CDKL4: variants seen among roughly 807,000 people sequenced by gnomAD.
CDKL4 encodes the protein cyclin dependent kinase like 4.
Under a neutral mutation model 42.0 loss-of-function variants are expected in CDKL4, and 44 were observed. The observed-to-expected ratio is 1.05, with a 90% CI of 0.82 to 1.35. CDKL4 has a LOEUF of 1.35. CDKL4 is among the 40% of genes most tolerant of loss of function. The probability of loss-of-function intolerance (pLI) is 0.00; values close to 1 mark genes in which losing one functional copy is unlikely to be tolerated. For missense variants in CDKL4, 393 were observed against 369.9 expected (o/e 1.06, Z -0.51); for synonymous variants, 120 against 121.6 (o/e 0.99, Z 0.09).
In CDKL4 at chr2:39,195,641, ATTTTTTTTT is replaced by A. The variant is rs770948985; in HGVS notation, c.455-5148_455-5140del. On this transcript the variant is annotated intron_variant, in intron 5 of 9. Coordinates refer to ENST00000451199, the Ensembl canonical transcript of CDKL4. ...TTTTTATTTTTTACATTTTTAATTA[ATTTTTTTTT>A]TTTTTTTTTTGAGACAGGGTCTCAC... Among the ~76,000 whole-genome samples, 4 of 131,436 alleles carry A rather than the reference ATTTTTTTTT, an allele frequency of 3.0e-5. No individual in the cohort carries two copies. The East Asian group carries it at 8.7e-4, about 29-fold the overall frequency. 86.2% of individuals were successfully genotyped at this position (131,436 alleles called of 152,430 possible).
chr2:39,214,152 A>T (rs1572996377), intron 3 of CDKL4, among the ~76,000 whole-genome samples: 1 of 152,024 alleles, frequency 6.6e-6, no homozygotes. Context: ...TGAACTCTCG[A>T]CCTCAGATGA....
intron 8 of CDKL4, among the ~76,000 whole-genome samples, chr2:39,179,838 C>A (rs566264654): frequency 6.6e-6 from 1 of 152,186 alleles, no homozygotes; most frequent in Admixed American, 6.5e-5. Flanking sequence ...GAAGTGAGAA[C>A]CTCAGTCATG....
chr2:39,211,058 C>T (rs1402851568), intron 4 of CDKL4, among the ~76,000 whole-genome samples: 2 of 152,144 alleles, frequency 1.3e-5, no homozygotes, highest in Non-Finnish European at 2.9e-5. Flanking sequence ...TGTATCATTG[C>T]CTCAGCACTG....
intron 1 of CDKL4, among the ~76,000 whole-genome samples, chr2:39,236,270 A>C (rs2148405322): frequency 6.6e-6 from 1 of 152,266 alleles, no homozygotes; most frequent in East Asian, 1.9e-4. Context: ...TCAAAATGAA[A>C]GAAGAAAAAC....
intron 1 of CDKL4, among the ~76,000 whole-genome samples, chr2:39,239,068 A>T (rs1459547531): frequency 1.3e-5 from 2 of 152,204 alleles, no homozygotes; most frequent in Admixed American, 6.5e-5. Context: ...ACTTTTGACA[A>T]AGTTGCTGCA....
At chr2:39,225,841 A>G (rs781485493) in exon 3 of CDKL4, 1 of 1,599,498 alleles carries the variant, frequency 6.3e-7, no homozygotes, top group South Asian at 1.1e-5. Context: ...TTACTTACCC[A>G]TTTGGGTTTC....
At chr2:39,232,099 ATG>A (rs1426133782) in intron 1 of CDKL4, among the ~76,000 whole-genome samples, 1 of 152,122 alleles carries the variant, frequency 6.6e-6, no homozygotes, top group Non-Finnish European at 1.5e-5. Flanking sequence ...CTATTGATGT[ATG>A]TTTTTTCTTT....
chr2:39,178,860 C>G, intron 9 of CDKL4: 5 of 1,483,778 alleles, frequency 3.4e-6, no homozygotes, highest in Non-Finnish European at 4.5e-6. Context: ...AAACTCAGTC[C>G]TGTTGGAATC....
exon 10 of CDKL4, chr2:39,176,060 A>T: frequency 2.1e-6 from 1 of 470,682 alleles, no homozygotes; most frequent in South Asian, 1.6e-5. Context: ...GGTGTGGGGG[A>T]GATGTGGCTT....
downstream of CDKL4, among the ~76,000 whole-genome samples, chr2:39,170,779 G>A (rs1299835360): frequency 6.6e-6 from 1 of 151,930 alleles, no homozygotes; most frequent in Non-Finnish European, 1.5e-5. Context: ...GGATATTAAT[G>A]TTTGCAAAAT....
At chr2:39,246,632 A>G (rs1406930849), upstream of CDKL4, among the ~76,000 whole-genome samples, 1 of 152,226 alleles carries the variant, frequency 6.6e-6, no homozygotes, top group Non-Finnish European at 1.5e-5. Flanking sequence ...GCCTTGGTCT[A>G]GGCTACAGGT....
chr2:39,243,945 C>T (rs1679795167), exon 1 of CDKL4, among the ~76,000 whole-genome samples: 1 of 152,172 alleles, frequency 6.6e-6, no homozygotes, highest in Admixed American at 6.5e-5. Context: ...GCGCGTGTCG[C>T]TCGGAGGAGG....
chr2:39,176,430 A>G (rs1675168798), intron 9 of CDKL4, among the ~76,000 whole-genome samples: 1 of 152,096 alleles, frequency 6.6e-6, no homozygotes, highest in Non-Finnish European at 1.5e-5. Context: ...CCTCAAAAAA[A>G]TTATTTGTTT....
intron 3 of CDKL4, among the ~76,000 whole-genome samples, chr2:39,215,965 A>C (rs72921010): frequency 6.6e-6 from 1 of 152,124 alleles, no homozygotes; most frequent in Non-Finnish European, 1.5e-5. Context: ...TCCCCACTTC[A>C]CCTAGAGCCA....
intron 7 of CDKL4, 112 bp from the exon 8 acceptor site, chr2:39,184,759 C>A (rs76649856): frequency 1.5e-6 from 1 of 670,358 alleles, no homozygotes; most frequent in East Asian, 2.9e-5. Context: ...TTTAGAGATA[C>A]TGTCTCCCTC....
In CDKL4 at chr2:39,179,325, T is replaced by G. The variant is rs777783571; in HGVS notation, c.793-4A>C. ...CTGGATTCATCTTCAGACACCCCTT[T>G]GGAGGAAGAGAATAGCAAAGAAGAT... is the stretch of plus-strand genomic sequence containing the variant. On this transcript the variant is annotated splice_region_variant and splice_polypyrimidine_tract_variant and intron_variant, in intron 8 of 9. Transcript: ENST00000451199. 1 of 1,587,478 alleles carries G rather than the reference T, an allele frequency of 6.3e-7. No individual in the cohort carries two copies. The highest frequency in any genetic ancestry group is 8.5e-7 in the Non-Finnish European group (1 of 1,172,278).
intron 4 of CDKL4, among the ~76,000 whole-genome samples, chr2:39,209,968 T>C (rs1677491900): frequency 1.3e-5 from 2 of 152,268 alleles, no homozygotes; most frequent in Non-Finnish European, 2.9e-5. Context: ...ATTTCCATCT[T>C]GGAGGAGGGA....
intron 3 of CDKL4, among the ~76,000 whole-genome samples, chr2:39,217,697 TTTTATTATTTATTTA>T (rs1424532094): frequency 6.7e-6 from 1 of 149,276 alleles, no homozygotes; most frequent in Non-Finnish European, 1.5e-5. Flanking sequence ...GCCAGGCTTA[TTTTATTATTTATTTA>T]TTTATTTATT....
At chr2:39,203,965 A>C (rs576929459) in intron 5 of CDKL4, among the ~76,000 whole-genome samples, 11 of 152,328 alleles carry the variant, frequency 7.2e-5, no homozygotes, top group Non-Finnish European at 1.2e-4. Context: ...GTATGTTGCT[A>C]ATACATATAT....
Sources: gnomAD v4.1 joint callset for allele counts (sites outside exome capture counted in the v4.1 genomes callset) on GRCh38, gnomAD v4.1.1 for gene constraint, MANE v1.5 for transcripts, NCBI Gene and HGNC (gene_info 2026-07-23, HGNC 2026-07-21) for gene names.